The following GRM7 variants were observed in gnomAD, a reference collection of about 807,000 sequenced individuals.
GRM7 encodes the protein metabotropic glutamate receptor 7.
A neutral mutation model predicts 84.5 loss-of-function variants in GRM7; 35 were observed. The ratio of observed to expected loss-of-function variants is 0.41; its 90% confidence interval spans 0.32 to 0.55. The LOEUF (loss-of-function observed/expected upper bound fraction) is 0.55. Among genes scored for constraint, GRM7 ranks in the 20% least tolerant of loss-of-function variants. The pLI is 0.19. For synonymous variants in GRM7, 487 were observed against 455.1 expected (o/e 1.07, Z -0.89); for missense variants, 1,003 against 1,194.6 (o/e 0.84, Z 2.36).
chr3:6,977,454 T>C (rs558442285), intron 1 of GRM7, among the ~76,000 whole-genome samples: 5 of 152,126 alleles, frequency 3.3e-5, no homozygotes, highest in South Asian at 4.1e-4. Flanking sequence ...CCCTAAGGTA[T>C]TAGTATAACT....
intron 1 of GRM7, among the ~76,000 whole-genome samples, chr3:6,919,886 A>T (rs1697066334): frequency 6.6e-6 from 1 of 152,164 alleles, no homozygotes; most frequent in South Asian, 2.1e-4. Flanking sequence ...CCACTTTGAG[A>T]TGCTCAACCA....
At chr3:7,021,577 G>T (rs543641339) in intron 1 of GRM7, among the ~76,000 whole-genome samples, 1 of 152,276 alleles carries the variant, frequency 6.6e-6, no homozygotes, top group South Asian at 2.1e-4. Flanking sequence ...CATTTCTGAT[G>T]AATGAACTAA....
intron 8 of GRM7, among the ~76,000 whole-genome samples, chr3:7,611,038 G>C (rs138894788): frequency 6.6e-6 from 1 of 152,128 alleles, no homozygotes; most frequent in Non-Finnish European, 1.5e-5. Flanking sequence ...TGATGCGAGA[G>C]AATATATTGA....
At chr3:7,565,080 C>T (rs1694197663) in intron 7 of GRM7, among the ~76,000 whole-genome samples, 1 of 152,178 alleles carries the variant, frequency 6.6e-6, no homozygotes, top group Non-Finnish European at 1.5e-5. Flanking sequence ...GACATTTAAG[C>T]TGCAAACATT....
chr3:7,676,461 T>C (rs1215689542), intron 8 of GRM7, among the ~76,000 whole-genome samples: 1 of 152,182 alleles, frequency 6.6e-6, no homozygotes, highest in Non-Finnish European at 1.5e-5. Context: ...ATTAATTAAT[T>C]AATTAATTAT....
chr3:7,461,763 A>T, intron 7 of GRM7, 41 bp downstream of exon 7: 1 of 1,588,572 alleles, frequency 6.3e-7, no homozygotes, highest in African/African-American at 1.3e-5. Context: ...GTTGAGATGA[A>T]TGAACAGACT....
intron 7 of GRM7, among the ~76,000 whole-genome samples, chr3:7,475,804 T>C (rs1161316791): frequency 6.6e-6 from 1 of 152,232 alleles, no homozygotes; most frequent in Non-Finnish European, 1.5e-5. Context: ...ATTTCTATCA[T>C]GGAGTATTCA....
intron 1 of GRM7, among the ~76,000 whole-genome samples, chr3:6,886,316 A>G (rs1437844062): frequency 6.6e-6 from 1 of 152,074 alleles, no homozygotes; most frequent in Non-Finnish European, 1.5e-5. Flanking sequence ...GGAGGGGAGC[A>G]TCACACACCC....
chr3:7,080,734 A>G lies in GRM7; in HGVS notation c.520-65718A>G, dbSNP rs73112887. Among the ~76,000 whole-genome samples, 1,214 of 152,132 alleles carry G rather than the reference A, an allele frequency of 8.0e-3. 18 individuals are homozygous for G. The highest frequency in any genetic ancestry group is 0.028 in the African/African-American group (1,157 of 41,552). ...ATTTATGTATACATACATAAATTAA[A>G]AAGACAATACAATTGCCATACTTAT... On this transcript the variant is annotated intron_variant, in intron 1 of 9. Coordinates refer to ENST00000357716, the MANE Select transcript of GRM7 (RefSeq NM_000844.4).
At chr3:6,937,087 C>T (rs1419591706) in intron 1 of GRM7, among the ~76,000 whole-genome samples, 1 of 152,156 alleles carries the variant, frequency 6.6e-6, no homozygotes, top group Admixed American at 6.5e-5. Context: ...AAGAAAGTCA[C>T]GGTATTTATT....
intron 7 of GRM7, among the ~76,000 whole-genome samples, chr3:7,558,739 C>T (rs191312125): frequency 1.3e-5 from 2 of 152,150 alleles, no homozygotes; most frequent in Admixed American, 6.6e-5. Context: ...AATTATAAGG[C>T]CTTAATAGTT....
chr3:7,595,597 G>T (rs184716073), intron 8 of GRM7, among the ~76,000 whole-genome samples: 1 of 152,222 alleles, frequency 6.6e-6, no homozygotes, highest in African/African-American at 2.4e-5. Context: ...CTGTGATATG[G>T]TGGGAAGGAG....
At chr3:7,393,032 C>G (rs1230719749) in intron 4 of GRM7, among the ~76,000 whole-genome samples, 1 of 152,072 alleles carries the variant, frequency 6.6e-6, no homozygotes, top group Non-Finnish European at 1.5e-5. Context: ...TGGGCCGAGA[C>G]CAGAGAGGGC....
At chr3:6,934,714 G>A (rs1459241392) in intron 1 of GRM7, among the ~76,000 whole-genome samples, 3 of 152,100 alleles carry the variant, frequency 2.0e-5, no homozygotes, top group Non-Finnish European at 4.4e-5. Context: ...GAGGACGGTG[G>A]CAGGGCAAGG....
At chr3:7,057,304 G>T (rs1697262790) in intron 1 of GRM7, among the ~76,000 whole-genome samples, 2 of 151,756 alleles carry the variant, frequency 1.3e-5, no homozygotes, top group South Asian at 4.1e-4. Context: ...GTTTACCCCT[G>T]TATTTATACA....
intron 7 of GRM7, among the ~76,000 whole-genome samples, chr3:7,548,298 C>A (rs1247369786): frequency 6.6e-6 from 1 of 152,160 alleles, no homozygotes. Flanking sequence ...TCTCTTGCTC[C>A]CTCTCTTACC....
At chr3:7,541,056 G>C (rs1692857262) in intron 7 of GRM7, among the ~76,000 whole-genome samples, 1 of 152,100 alleles carries the variant, frequency 6.6e-6, no homozygotes, top group Non-Finnish European at 1.5e-5. Flanking sequence ...TAAAACCAAG[G>C]GTTGGTGATT....
chr3:7,591,728 T>C lies in GRM7; in HGVS notation c.2451+12371T>C, dbSNP rs148438485. Among the ~76,000 whole-genome samples the C allele has an allele frequency of 1.5e-3, 225 of 152,262 alleles. 1 individual carries two copies. The highest frequency in any genetic ancestry group is 4.9e-3 in the African/African-American group (203 of 41,556). Reference sequence around the variant, plus strand: ...TTGTTGAACATTCTCTGTGTATCAATCACCAGTCCAAACACTTCATATAGA... The same window carrying C: ...TTGTTGAACATTCTCTGTGTATCAACCACCAGTCCAAACACTTCATATAGA... On this transcript the variant is annotated intron_variant, in intron 8 of 9. Transcript: ENST00000357716.
chr3:7,664,823 T>C (rs1271496060), intron 8 of GRM7, among the ~76,000 whole-genome samples: 1 of 152,188 alleles, frequency 6.6e-6, no homozygotes, highest in Non-Finnish European at 1.5e-5. Context: ...ATTTTCCTTA[T>C]GTGGCTTAAG....
Sources: gnomAD v4.1 joint callset for allele counts (sites outside exome capture counted in the v4.1 genomes callset) on GRCh38, gnomAD v4.1.1 for gene constraint, MANE v1.5 for transcripts, NCBI Gene and HGNC (gene_info 2026-07-23, HGNC 2026-07-21) for gene names.